POLD3: variants seen among roughly 807,000 people sequenced by gnomAD.
The protein encoded by POLD3 is DNA polymerase delta subunit 3.
Under a neutral mutation model 58.2 loss-of-function variants are expected in POLD3, and 19 were observed. The ratio of observed to expected loss-of-function variants is 0.33; its 90% confidence interval spans 0.23 to 0.48. The LOEUF (loss-of-function observed/expected upper bound fraction) is 0.48, where lower values mean the gene tolerates loss of function less well. POLD3 is among the 20% of genes least tolerant of loss of function. The pLI, the probability that POLD3 is intolerant of heterozygous loss-of-function variation, is 0.99. For synonymous variants in POLD3, 172 were observed against 193.5 expected, an observed-to-expected ratio of 0.89 and a Z score of 0.92; for missense variants, 504 against 545.5, an observed-to-expected ratio of 0.92 and a Z score of 0.76.
chr11:74,612,327 T>G (rs997824434), intron 4 of POLD3, among the ~76,000 whole-genome samples: 2 of 152,218 alleles, frequency 1.3e-5, no homozygotes, highest in African/African-American at 4.8e-5. Flanking sequence ...TGATCTACTA[T>G]GTGCCAAGCT....
intron 3 of POLD3, among the ~76,000 whole-genome samples, chr11:74,607,873 C>T (rs578072830): frequency 1.1e-3 from 162 of 152,244 alleles, no homozygotes; most frequent in African/African-American, 3.8e-3. Flanking sequence ...GCTAGGATTA[C>T]AGAAGTGAGC....
intron 8 of POLD3, among the ~76,000 whole-genome samples, chr11:74,628,419 A>C (rs2032494213): frequency 6.6e-6 from 1 of 152,082 alleles, no homozygotes; most frequent in Admixed American, 6.6e-5. Flanking sequence ...GTAGAAAGGA[A>C]AGTTGGTATT....
intron 4 of POLD3, among the ~76,000 whole-genome samples, chr11:74,655,156 T>C (rs2033117283): frequency 6.6e-6 from 1 of 152,268 alleles, no homozygotes; most frequent in Non-Finnish European, 1.5e-5. Context: ...TTGTGGAAAG[T>C]AGAAGTCTTA....
intron 2 of POLD3, chr11:74,595,131 C>A (rs1369462794): frequency 2.0e-5 from 3 of 149,016 alleles, no homozygotes; most frequent in African/African-American, 7.4e-5. Flanking sequence ...AACACTAACA[C>A]TGTTTTTTCC....
chr11:74,654,039 A>G (rs986925754), intron 4 of POLD3, among the ~76,000 whole-genome samples: 7 of 152,084 alleles, frequency 4.6e-5, no homozygotes, highest in African/African-American at 1.7e-4. Flanking sequence ...GCTCAACCAG[A>G]TCTCATGAGG....
intron 4 of POLD3, among the ~76,000 whole-genome samples, chr11:74,652,417 T>C (rs567889213): frequency 2.0e-5 from 3 of 152,230 alleles, no homozygotes; most frequent in Non-Finnish European, 4.4e-5. Flanking sequence ...ATCATCAGTA[T>C]ATGACAGTGA....
chr11:74,602,973 T>C (rs1037022112), intron 2 of POLD3, among the ~76,000 whole-genome samples: 1 of 152,234 alleles, frequency 6.6e-6, no homozygotes, highest in Admixed American at 6.5e-5. Flanking sequence ...AATCACCTTA[T>C]ATAAAATAGC....
chr11:74,618,875 A>G (rs998795719), intron 6 of POLD3, 71 bp downstream of exon 6: 8 of 1,259,552 alleles, frequency 6.4e-6, no homozygotes, highest in African/African-American at 1.5e-5. Context: ...TAATGGTTGC[A>G]GTGGTAGTAG....
At chr11:74,638,776 G>GC in intron 11 of POLD3, 1 of 439,078 alleles carries the variant, frequency 2.3e-6, no homozygotes. Flanking sequence ...TTGAAATTCT[G>GC]CATCAGTAGG....
At chr11:74,634,319 C>A (rs570927848) in intron 9 of POLD3, among the ~76,000 whole-genome samples, 1 of 152,326 alleles carries the variant, frequency 6.6e-6, no homozygotes, top group East Asian at 1.9e-4. Context: ...AAACCAACTT[C>A]ATAACCTGAC....
At chr11:74,662,164 T>C (rs888437540) in intron 4 of POLD3, among the ~76,000 whole-genome samples, 2 of 152,236 alleles carry the variant, frequency 1.3e-5, no homozygotes, top group African/African-American at 4.8e-5. Flanking sequence ...AAGAGCCCGT[T>C]TGGTACTGTA....
At chr11:74,608,627 T>C (rs908216243) in intron 3 of POLD3, among the ~76,000 whole-genome samples, 3 of 152,186 alleles carry the variant, frequency 2.0e-5, no homozygotes, top group Non-Finnish European at 2.9e-5. Context: ...CAGCTGGCAT[T>C]TCCATTCTGT....
intron 2 of POLD3, among the ~76,000 whole-genome samples, chr11:74,600,535 T>C (rs1039086619): frequency 6.6e-6 from 1 of 151,738 alleles, no homozygotes; most frequent in South Asian, 2.1e-4. Flanking sequence ...CTTGGGAGGC[T>C]GAGGCAGGAA....
intron 1 of POLD3, 177 bp downstream of exon 1, chr11:74,592,895 A>G: frequency 1.4e-6 from 2 of 1,439,558 alleles, no homozygotes; most frequent in South Asian, 1.5e-5. Flanking sequence ...CTCGTCGGGA[A>G]GGTCCTCCAG....
intron 4 of POLD3, among the ~76,000 whole-genome samples, chr11:74,649,716 G>A (rs777057552): frequency 6.6e-6 from 1 of 152,098 alleles, no homozygotes; most frequent in Non-Finnish European, 1.5e-5. Context: ...GCAAGAGACA[G>A]TTGCTTTTTG....
At chr11:74,629,073 A>G (rs2032511343) in intron 8 of POLD3, 144 bp from the exon 9 acceptor site, 1 of 560,044 alleles carries the variant, frequency 1.8e-6, no homozygotes, top group East Asian at 3.1e-5. Flanking sequence ...ATCCTTAACA[A>G]GAGTCCTTCT....
At chr11:74,635,915 A>C (rs1252750097) in intron 10 of POLD3, among the ~76,000 whole-genome samples, 1 of 152,304 alleles carries the variant, frequency 6.6e-6, no homozygotes, top group African/African-American at 2.4e-5. Context: ...TGCTGCCTGC[A>C]CTACCCAACA....
chr11:74,624,307 C>T (rs532396910), intron 7 of POLD3, among the ~76,000 whole-genome samples: 1 of 152,170 alleles, frequency 6.6e-6, no homozygotes, highest in South Asian at 2.1e-4. Context: ...CAAGAGTATG[C>T]CATCGTTGGG....
intron 3 of POLD3, among the ~76,000 whole-genome samples, chr11:74,607,068 C>CTATG (rs1406357636): frequency 1.3e-5 from 2 of 152,014 alleles, no homozygotes; most frequent in Non-Finnish European, 1.5e-5. Context: ...GGATGCTTAC[C>CTATG]TATGCCTTTT....
Sources: allele counts gnomAD v4.1 joint callset (sites outside exome capture counted in the v4.1 genomes callset), GRCh38; gene constraint gnomAD v4.1.1; transcripts MANE v1.5; gene names NCBI Gene and HGNC (gene_info 2026-07-23, HGNC 2026-07-21).